Variants in LRBA observed in about 807,000 individuals in gnomAD.
LRBA encodes the protein LPS responsive beige-like anchor protein.
LRBA carries 176 observed loss-of-function variants against 330.0 expected under a neutral mutation model. That is an observed-to-expected ratio of 0.53 (90% CI 0.47 to 0.60). LRBA has a LOEUF of 0.60. Among genes scored for constraint, LRBA ranks in the 20% least tolerant of loss-of-function variants. LRBA has a pLI of 0.00. For synonymous variants in LRBA, 1,230 were observed against 1,193.0 expected (o/e 1.03, Z -0.64); for missense variants, 3,259 against 3,444.8 (o/e 0.95, Z 1.35).
chr4:150,395,920 A>T (rs577667833), intron 47 of LRBA, among the ~76,000 whole-genome samples: 3 of 152,284 alleles, frequency 2.0e-5, no homozygotes, highest in Admixed American at 2.0e-4. Context: ...CTGGTAATTG[A>T]TTCTCTAGAA....
At chr4:150,929,348 A>C (rs1233714917) in intron 2 of LRBA, among the ~76,000 whole-genome samples, 1 of 152,204 alleles carries the variant, frequency 6.6e-6, no homozygotes. Context: ...TAAAGATCTA[A>C]ATCAACTCTA....
chr4:150,842,127 GA>G (rs1203727315), intron 28 of LRBA, among the ~76,000 whole-genome samples: 1 of 152,144 alleles, frequency 6.6e-6, no homozygotes, highest in African/African-American at 2.4e-5. Flanking sequence ...TATAGTAAAG[GA>G]GATATTCTAA....
rs1746560156 is a variant in LRBA at position 150,828,208 on chromosome 4, G to A, written c.5143C>T (p.Gln1715Ter). Reference protein sequence around the residue: ...LGALGDLSVEQPVQFRSFDRS... With the variant: ...LGALGDLSVE The stretch of plus-strand genomic sequence containing the variant: ...TCAAAAGATCTGAACTGCACGGGTT[G>A]TTCCACAGATAGATCACCAAGGGCT... Residue 1715 changes from glutamine (Q) to a stop codon, truncating the protein, a stop_gained, in exon 30 of 57, where the codon CAA (glutamine) becomes TAA (stop). Coordinates refer to ENST00000651943, the MANE Select transcript of LRBA (RefSeq NM_001364905.1). LOFTEE classifies it high-confidence loss of function. 1 of 1,614,094 alleles carries A rather than the reference G, an allele frequency of 6.2e-7. No individual in the cohort carries two copies. Among genetic ancestry groups the A allele is most frequent in the Non-Finnish European group, 8.5e-7 (1 of 1,179,972 alleles).
intron 17 of LRBA, among the ~76,000 whole-genome samples, chr4:150,873,863 G>A (rs1753718257): frequency 1.3e-5 from 2 of 152,008 alleles, no homozygotes; most frequent in African/African-American, 2.4e-5. Flanking sequence ...AGAAAAGCAG[G>A]TATATAAAAA....
chr4:150,488,842 C>T (rs914976037), intron 41 of LRBA, among the ~76,000 whole-genome samples: 1 of 136,442 alleles, frequency 7.3e-6, no homozygotes, highest in African/African-American at 2.7e-5. Flanking sequence ...AATAAGTAAT[C>T]GATCATTCAC....
At chr4:150,356,338 T>C (rs1471115541) in intron 47 of LRBA, among the ~76,000 whole-genome samples, 1 of 152,052 alleles carries the variant, frequency 6.6e-6, no homozygotes, top group Non-Finnish European at 1.5e-5. Flanking sequence ...GACTGACAAA[T>C]TGTTTGTGTG....
At chr4:150,495,003 A>C (rs1376199448) in intron 40 of LRBA, among the ~76,000 whole-genome samples, 1 of 151,956 alleles carries the variant, frequency 6.6e-6, no homozygotes, top group African/African-American at 2.4e-5. Flanking sequence ...CTGTCTCAAA[A>C]AAAAAAAAAG....
chr4:150,528,617 A>G (rs1581589764), intron 40 of LRBA, among the ~76,000 whole-genome samples: 1 of 151,296 alleles, frequency 6.6e-6, no homozygotes, highest in African/African-American at 2.4e-5. Flanking sequence ...CCCTTTTTTT[A>G]TTTTAGGCAG....
chr4:150,797,882 C>T (rs1400363292), intron 34 of LRBA, among the ~76,000 whole-genome samples, 199 bp downstream of exon 34: 1 of 152,100 alleles, frequency 6.6e-6, no homozygotes, highest in Non-Finnish European at 1.5e-5. Flanking sequence ...CTCACTTCCT[C>T]TCATGCTTGC....
chr4:150,794,287 C>T (rs1394082962), intron 34 of LRBA, among the ~76,000 whole-genome samples: 4 of 152,096 alleles, frequency 2.6e-5, no homozygotes, highest in Admixed American at 6.5e-5. Context: ...AGCTGGTTTG[C>T]CTTTTTTGGG....
In LRBA at chr4:150,526,127, G is replaced by C. The variant is rs1022089436; in HGVS notation, c.6331-35092C>G. Among the ~76,000 whole-genome samples, 15 of 152,254 alleles carry C rather than the reference G, an allele frequency of 9.9e-5. No homozygotes were observed. In the South Asian group the frequency reaches 1.2e-3, roughly 13 times the overall value. The stretch of plus-strand genomic sequence containing the variant: ...GAATAAATGACTTTTAAGATCTACA[G>C]AAAGCAACATTGCCAATGAGGAGAC... On this transcript the variant is annotated intron_variant, in intron 40 of 56. Transcript: ENST00000651943.
chr4:150,565,865 A>G (rs1769059621), intron 40 of LRBA, among the ~76,000 whole-genome samples: 1 of 152,168 alleles, frequency 6.6e-6, no homozygotes, highest in Non-Finnish European at 1.5e-5. Context: ...TACTATTCAC[A>G]TACTTTAATT....
intron 31 of LRBA, among the ~76,000 whole-genome samples, chr4:150,813,010 A>C (rs1743990970): frequency 2.0e-5 from 3 of 152,102 alleles, no homozygotes; most frequent in Admixed American, 2.0e-4. Context: ...TTTTAAAATT[A>C]GCCAGGAATG....
intron 22 of LRBA, among the ~76,000 whole-genome samples, chr4:150,859,700 A>G (rs1174803956): frequency 3.9e-5 from 6 of 152,232 alleles, no homozygotes; most frequent in Admixed American, 3.9e-4. Flanking sequence ...AAACTGGACA[A>G]TAAAACTGCA....
intron 40 of LRBA, among the ~76,000 whole-genome samples, chr4:150,511,429 C>T (rs563067057): frequency 7.9e-5 from 12 of 152,160 alleles, no homozygotes; most frequent in African/African-American, 2.9e-4. Flanking sequence ...TTACCATTTT[C>T]ATAGACATAT....
intron 53 of LRBA, among the ~76,000 whole-genome samples, chr4:150,298,496 G>A (rs528668377): frequency 3.4e-4 from 52 of 152,204 alleles, no homozygotes; most frequent in Admixed American, 1.8e-3. Context: ...AGTGATTGAT[G>A]AGCGTATAAC....
chr4:150,780,738 T>C (rs1329040409), intron 34 of LRBA, among the ~76,000 whole-genome samples: 1 of 123,936 alleles, frequency 8.1e-6, no homozygotes, highest in Non-Finnish European at 1.8e-5. Context: ...AACATCATGA[T>C]ATAAGCCAGC....
intron 30 of LRBA, among the ~76,000 whole-genome samples, chr4:150,826,967 C>T (rs1481894745): frequency 6.6e-6 from 1 of 152,136 alleles, no homozygotes; most frequent in Non-Finnish European, 1.5e-5. Context: ...CATGACTCCA[C>T]AGGATTTCTG....
At chr4:150,983,776 A>G (rs908499956) in intron 2 of LRBA, among the ~76,000 whole-genome samples, 2 of 152,102 alleles carry the variant, frequency 1.3e-5, no homozygotes, top group Admixed American at 6.6e-5. Flanking sequence ...CGTCTTAAAA[A>G]AAAAAAAAAA....
Sources: allele counts gnomAD v4.1 joint callset (sites outside exome capture counted in the v4.1 genomes callset), GRCh38; gene constraint gnomAD v4.1.1; transcripts MANE v1.5; gene names NCBI Gene and HGNC (gene_info 2026-07-23, HGNC 2026-07-21).